The following PTK7 variants were observed in gnomAD, a reference collection of about 807,000 sequenced individuals.
PTK7 encodes the protein inactive tyrosine-protein kinase 7.
A neutral mutation model predicts 116.6 loss-of-function variants in PTK7; 39 were observed. The ratio of observed to expected loss-of-function variants is 0.33; its 90% confidence interval spans 0.26 to 0.44. PTK7 has a LOEUF of 0.44. PTK7 is among the 20% of genes least tolerant of loss of function. PTK7 has a pLI of 1.00. For missense variants in PTK7, 1,169 were observed against 1,425.6 expected (o/e 0.82, Z 2.90); for synonymous variants, 546 against 563.6 (o/e 0.97, Z 0.44).
At chr6:43,150,787 C>CCTTTTTTTT (rs1771017527) in intron 17 of PTK7, among the ~76,000 whole-genome samples, 1 of 60,742 alleles carries the variant, frequency 1.6e-5, no homozygotes, top group Admixed American at 2.3e-4. Flanking sequence ...GTAGACTCAG[C>CCTTTTTTTT]TTTTTTTTTT....
Position 43,160,972 on chromosome 6 carries a change from GC to G in PTK7, c.*94del. The G allele has an allele frequency of 6.7e-7, 1 of 1,488,006 alleles. No individual in the cohort carries two copies. Among genetic ancestry groups the G allele is most frequent in the South Asian group, 1.3e-5 (1 of 77,618 alleles). 92.2% of individuals were successfully genotyped at this position (1,488,006 alleles called of 1,614,324 possible). Reference sequence around the variant, plus strand: ...ATGGGCAAGATCCCTGTCCTCCTGGGCCCTGAGGCCCCTGCCCTAGTGCAAC... The same window carrying G: ...ATGGGCAAGATCCCTGTCCTCCTGGGCCTGAGGCCCCTGCCCTAGTGCAAC... On this transcript the variant is annotated 3_prime_UTR_variant, in exon 20 of 20. Transcript: ENST00000230419.
At position 43,146,735 on chromosome 6, in the gene PTK7, C is replaced by T. The variant is rs1259088240; in HGVS notation, c.2721+37C>T. 3.8e-6 allele frequency: 6 copies of T among 1,588,118 alleles called. No individual in the cohort carries two copies. In the South Asian group the frequency reaches 5.5e-5, roughly 15 times the overall value. ...GAGTGAAGGAGGGAGGGAGAGGGTG[C>T]CCAGGGGTGGGCCAGGAGCAACAGA... On this transcript the variant is annotated intron_variant, in intron 17 of 19. Transcript: ENST00000230419.
At chr6:43,144,720 G>A (rs927351659) in intron 15 of PTK7, 114 bp downstream of exon 15, 1 of 1,321,932 alleles carries the variant, frequency 7.6e-7, no homozygotes, top group Non-Finnish European at 1.0e-6. Flanking sequence ...GTTAGAGGTG[G>A]AGGGAAGCAT....
intron 1 of PTK7, among the ~76,000 whole-genome samples, chr6:43,094,538 C>T (rs909215149): frequency 6.6e-6 from 1 of 151,264 alleles, no homozygotes; most frequent in Non-Finnish European, 1.5e-5. Flanking sequence ...GATCTCGGCT[C>T]ACTGCAAGCT....
At chr6:43,155,142 T>TTA (rs1771347995) in intron 17 of PTK7, among the ~76,000 whole-genome samples, 1 of 152,166 alleles carries the variant, frequency 6.6e-6, no homozygotes, top group Admixed American at 6.5e-5. Flanking sequence ...GCCAGCCCTG[T>TTA]TATATTCCAC....
At position 43,130,225 on chromosome 6, in the gene PTK7, T is replaced by C; in HGVS notation, c.471-5T>C. On this transcript the variant is annotated splice_polypyrimidine_tract_variant and splice_region_variant and intron_variant, in intron 3 of 19. Transcript: ENST00000230419. ...CCACCACTGCTGACTGTGTCTGCCC[T>C]GCAGGCCCACCTACCAATGGTTCCG... The C allele has an allele frequency of 6.4e-7, 1 of 1,568,244 alleles. No homozygotes were observed. Among genetic ancestry groups the C allele is most frequent in the Non-Finnish European group, 8.7e-7 (1 of 1,152,576 alleles).
chr6:43,150,737 G>A (rs953510907), intron 17 of PTK7, among the ~76,000 whole-genome samples: 1 of 150,012 alleles, frequency 6.7e-6, no homozygotes, highest in African/African-American at 2.5e-5. Context: ...GTGCACCTGA[G>A]GCATTCTGAG....
At chr6:43,103,477 G>GTGTGTA (rs967462390) in intron 1 of PTK7, among the ~76,000 whole-genome samples, 2 of 151,888 alleles carry the variant, frequency 1.3e-5, no homozygotes, top group African/African-American at 4.8e-5. Flanking sequence ...GTGTGTGTGT[G>GTGTGTA]TAGCCACCTA....
intron 1 of PTK7, among the ~76,000 whole-genome samples, chr6:43,116,359 G>C (rs1221446715): frequency 6.6e-6 from 1 of 152,330 alleles, no homozygotes; most frequent in East Asian, 1.9e-4. Context: ...CTAACATTGC[G>C]TCGTGTCCCC....
At chr6:43,111,154 C>T (rs2150402670) in intron 1 of PTK7, among the ~76,000 whole-genome samples, 1 of 152,274 alleles carries the variant, frequency 6.6e-6, no homozygotes, top group South Asian at 2.1e-4. Context: ...AATCTGCACC[C>T]CTATTAGGAA....
At position 43,145,408 on chromosome 6, in the gene PTK7, C is replaced by T. The variant is rs777882101; in HGVS notation, c.2616C>T (p.Tyr872=). The T allele has an allele frequency of 5.6e-6, 9 of 1,602,798 alleles. No homozygotes were observed. In the Admixed American group the frequency reaches 1.5e-4, roughly 27 times the overall value. ...LGLCREAEPH[Y]MVLEYVDLGD... is the part of the protein sequence containing the mutation. Reference sequence around the variant, plus strand: ...TGTGCCGGGAGGCTGAGCCCCACTACATGGTGCTGGAATATGTGGATCTGG... The same window carrying T: ...TGTGCCGGGAGGCTGAGCCCCACTATATGGTGCTGGAATATGTGGATCTGG... The change falls in exon 16 of 20, where the codon TAC becomes TAT. Residue 872 remains tyrosine, a synonymous_variant. Coordinates refer to ENST00000230419, the MANE Select transcript of PTK7 (RefSeq NM_002821.5). The surrounding 1 kb of genome is among the most constrained non-coding windows in gnomAD (Gnocchi z 4.8).
At chr6:43,091,197 G>A (rs1766938694) in intron 1 of PTK7, among the ~76,000 whole-genome samples, 1 of 130,718 alleles carries the variant, frequency 7.7e-6, no homozygotes, top group Non-Finnish European at 1.6e-5. Flanking sequence ...GTCTCACTCT[G>A]TCGCCCAAGC....
In PTK7 at chr6:43,079,761, T is replaced by C. The variant is rs186127240; in HGVS notation, c.79+3194T>C. Among the ~76,000 whole-genome samples, 321 of 152,044 alleles carry C rather than the reference T, an allele frequency of 2.1e-3. 2 individuals carry two copies. Among genetic ancestry groups the C allele is most frequent in the African/African-American group, 7.2e-3 (299 of 41,484 alleles). On this transcript the variant is annotated intron_variant, in intron 1 of 19. Transcript: ENST00000230419. ...ATGATCCACTATGCCCAGCTTCTCC[T>C]GTATACTTTAAATCATCTCTAAGGG...
chr6:43,094,277 T>G (rs2150381765), intron 1 of PTK7, among the ~76,000 whole-genome samples: 1 of 152,286 alleles, frequency 6.6e-6, no homozygotes, highest in Non-Finnish European at 1.5e-5. Context: ...TTAGATTCCC[T>G]GCCTGCAGAC....
At chr6:43,089,244 T>C (rs780494374) in intron 1 of PTK7, among the ~76,000 whole-genome samples, 8 of 152,160 alleles carry the variant, frequency 5.3e-5, no homozygotes, top group Non-Finnish European at 8.8e-5. Context: ...TCCACTGAGT[T>C]TGTTCTTCTG....
chr6:43,116,385 A>G (rs1241850512), intron 1 of PTK7, among the ~76,000 whole-genome samples: 1 of 152,118 alleles, frequency 6.6e-6, no homozygotes, highest in South Asian at 2.1e-4. Flanking sequence ...CTGCTGCCAC[A>G]GGCCCTGGGC....
At chr6:43,142,505 GTGT>G in intron 13 of PTK7, 1 of 724,342 alleles carries the variant, frequency 1.4e-6, no homozygotes, top group Admixed American at 2.1e-5. Flanking sequence ...AACGGTCGGT[GTGT>G]GTGTGTGTGT....
intron 17 of PTK7, among the ~76,000 whole-genome samples, chr6:43,147,932 C>A (rs6458325): frequency 0.51 from 77,508 of 151,620 alleles, 21,620 homozygotes; most frequent in African/African-American, 0.74. Context: ...GAGCCAGTGA[C>A]TCCTCACTGA....
intron 17 of PTK7, among the ~76,000 whole-genome samples, chr6:43,157,352 ATATATATATATATTTTTTTTTTTCTTT>A (rs1436445730): frequency 1.3e-3 from 6 of 4,606 alleles, no homozygotes; most frequent in African/African-American, 4.6e-3. Context: ...ATATATATAT[ATATATATATATATTTTTTTTTTTCTTT>A]TTTTTTTTTT....
Sources: gnomAD v4.1 joint callset for allele counts (sites outside exome capture counted in the v4.1 genomes callset) on GRCh38, gnomAD v4.1.1 for gene constraint, Gnocchi (gnomAD v3.1) non-coding constraint, MANE v1.5 for transcripts, NCBI Gene and HGNC (gene_info 2026-07-23, HGNC 2026-07-21) for gene names.